The following DYRK4 variants were observed in gnomAD, a reference collection of about 807,000 sequenced individuals.
DYRK4 encodes the protein dual specificity tyrosine-phosphorylation-regulated kinase 4.
A neutral mutation model predicts 68.3 loss-of-function variants in DYRK4; 64 were observed. That is an observed-to-expected ratio of 0.94 (90% CI 0.77 to 1.15). DYRK4 has a LOEUF of 1.15. DYRK4 is among the 50% of genes most tolerant of loss of function. DYRK4 has a pLI of 0.00. For synonymous variants in DYRK4, 274 were observed against 289.9 expected (o/e 0.95, Z 0.56); for missense variants, 740 against 764.7 (o/e 0.97, Z 0.38).
chr12:4,602,879 T>C, intron 10 of DYRK4: 1 of 1,016,138 alleles, frequency 9.8e-7, no homozygotes, highest in South Asian at 1.4e-5. Flanking sequence ...CCCAAATATA[T>C]TTCTTTCATT....
chr12:4,593,212 G>C (rs752765034), intron 6 of DYRK4, 47 bp downstream of exon 6: 1 of 1,594,224 alleles, frequency 6.3e-7, no homozygotes, highest in East Asian at 2.2e-5. Context: ...CCAGGGACAA[G>C]AGGTAGTCTA....
chr12:4,594,877 G>A (rs1033403849), intron 6 of DYRK4, among the ~76,000 whole-genome samples: 3 of 152,080 alleles, frequency 2.0e-5, no homozygotes, highest in African/African-American at 7.2e-5. Flanking sequence ...AATTTTGTCA[G>A]CAAATGTTAA....
chr12:4,603,769 GT>G (rs1291430735), intron 10 of DYRK4, among the ~76,000 whole-genome samples: 2 of 152,182 alleles, frequency 1.3e-5, no homozygotes, highest in African/African-American at 2.4e-5. Flanking sequence ...GAACTTGTAT[GT>G]TTTCCCTTCT....
At chr12:4,578,542 G>A (rs1944810549) in intron 2 of DYRK4, among the ~76,000 whole-genome samples, 1 of 152,086 alleles carries the variant, frequency 6.6e-6, no homozygotes, top group Non-Finnish European at 1.5e-5. Context: ...AGCAAGTTAT[G>A]CGTAGTTAAT....
chr12:4,595,702 A>G (rs911923239), intron 6 of DYRK4, among the ~76,000 whole-genome samples: 4 of 152,188 alleles, frequency 2.6e-5, no homozygotes, highest in African/African-American at 7.2e-5. Flanking sequence ...GGGGTCAGAA[A>G]TAAAACTTCC....
In DYRK4 at chr12:4,613,430, C is replaced by T. The variant is rs1448906581; in HGVS notation, c.1667-85C>T. 1.4e-5 allele frequency: 21 copies of T among 1,488,768 alleles called. No homozygotes were observed. In the Admixed American group the frequency reaches 4.4e-4, roughly 31 times the overall value. 92.2% of individuals were successfully genotyped at this position (1,488,768 alleles called of 1,614,324 possible). ...TATATCATCACGGTCATCGTTTCCA[C>T]TAAGTGATGTACAACCTAAAGGACA... is the stretch of plus-strand genomic sequence containing the variant. On this transcript the variant is annotated intron_variant, in intron 14 of 14. Transcript: ENST00000543431. The surrounding 1 kb of genome is among the most constrained non-coding windows in gnomAD (Gnocchi z 4.0).
chr12:4,563,695 T>C (rs1309926196), intron 1 of DYRK4, among the ~76,000 whole-genome samples: 1 of 152,018 alleles, frequency 6.6e-6, no homozygotes, highest in African/African-American at 2.4e-5. Flanking sequence ...TGAAGAGAGG[T>C]TTGAAAAAAC....
chr12:4,601,948 A>C (rs1945086445), intron 10 of DYRK4: 1 of 293,312 alleles, frequency 3.4e-6, no homozygotes, highest in African/African-American at 2.3e-5. Context: ...TTGCATCTTG[A>C]AAAAATGAAT....
chr12:4,582,358 C>T (rs1037868646), intron 2 of DYRK4, among the ~76,000 whole-genome samples: 15 of 152,156 alleles, frequency 9.9e-5, no homozygotes, highest in Non-Finnish European at 1.6e-4. Context: ...GCTGGAGAAT[C>T]GCTTGAACCT....
At chr12:4,571,477 T>C (rs201280181) in intron 2 of DYRK4, among the ~76,000 whole-genome samples, 2 of 152,290 alleles carry the variant, frequency 1.3e-5, no homozygotes, top group East Asian at 3.9e-4. Flanking sequence ...TGTATCCTAC[T>C]GGGGGTGTGC....
chr12:4,601,620 T>C (rs1223518627), intron 10 of DYRK4, among the ~76,000 whole-genome samples: 1 of 152,150 alleles, frequency 6.6e-6, no homozygotes, highest in South Asian at 2.1e-4. Flanking sequence ...AAAGAAGATA[T>C]AAAAGGATTT....
At chr12:4,606,370 T>C (rs1480312051) in intron 11 of DYRK4, among the ~76,000 whole-genome samples, 1 of 152,204 alleles carries the variant, frequency 6.6e-6, no homozygotes, top group East Asian at 1.9e-4. Flanking sequence ...TTTTCCAGAT[T>C]GTCTCAAAGT....
chr12:4,589,348 T>C (rs1591796227), intron 3 of DYRK4, among the ~76,000 whole-genome samples: 1 of 152,210 alleles, frequency 6.6e-6, no homozygotes, highest in East Asian at 1.9e-4. Context: ...GCATTTATCC[T>C]TTGTGTTACA....
At chr12:4,599,554 C>T (rs539948754) in intron 9 of DYRK4, 153 bp from the exon 10 acceptor site, 11 of 605,140 alleles carry the variant, frequency 1.8e-5, no homozygotes, top group East Asian at 5.7e-5. Flanking sequence ...AAAGTCAGAG[C>T]GGAGGATGAT....
intron 11 of DYRK4, among the ~76,000 whole-genome samples, chr12:4,606,253 A>T (rs1227931700): frequency 6.6e-6 from 1 of 152,208 alleles, no homozygotes; most frequent in Non-Finnish European, 1.5e-5. Flanking sequence ...CAGTGAACAA[A>T]GATATTTTGT....
intron 10 of DYRK4, chr12:4,602,369 C>T: frequency 1.1e-6 from 1 of 903,924 alleles, no homozygotes; most frequent in East Asian, 2.4e-5. Flanking sequence ...CTCTTTTGTT[C>T]TCGTTTTGTA....
intron 13 of DYRK4, 121 bp from the exon 14 acceptor site, chr12:4,612,422 A>G: frequency 9.6e-7 from 1 of 1,046,682 alleles, no homozygotes; most frequent in Non-Finnish European, 1.3e-6. Context: ...CTGTTCTATG[A>G]TTATATATCT....
intron 10 of DYRK4, among the ~76,000 whole-genome samples, chr12:4,601,740 A>G (rs1257077926): frequency 6.6e-6 from 1 of 152,170 alleles, no homozygotes; most frequent in African/African-American, 2.4e-5. Context: ...AAGGATATGG[A>G]TGATTTTCAA....
chr12:4,590,289 G>T, intron 3 of DYRK4, 41 bp from the exon 4 acceptor site: 1 of 1,513,716 alleles, frequency 6.6e-7, no homozygotes, highest in Non-Finnish European at 8.8e-7. Flanking sequence ...ACGTTTTCTT[G>T]CCTAAGGCTT....
Sources: gnomAD v4.1 joint callset for allele counts (sites outside exome capture counted in the v4.1 genomes callset) on GRCh38, gnomAD v4.1.1 for gene constraint, Gnocchi (gnomAD v3.1) non-coding constraint, MANE v1.5 for transcripts, NCBI Gene and HGNC (gene_info 2026-07-23, HGNC 2026-07-21) for gene names.